NXPE2: variants seen among roughly 807,000 people sequenced by gnomAD.
NXPE2 encodes neurexophilin and PC-esterase domain family member 2.
A neutral mutation model predicts 34.4 loss-of-function variants in NXPE2; 34 were observed. The ratio of observed to expected loss-of-function variants is 0.99; its 90% CI spans 0.75 to 1.31. The LOEUF is 1.31. Ranked by LOEUF, NXPE2 falls within the 40% of genes most tolerant of loss-of-function variation. The pLI, the probability that NXPE2 is intolerant of heterozygous loss-of-function variation, is 0.00. For missense variants in NXPE2, 649 were observed against 672.5 expected (o/e 0.97, Z 0.39); for synonymous variants, 235 against 231.3 (o/e 1.02, Z -0.15).
chr11:114,654,587 C>G, the NXPE2 span, among the ~76,000 whole-genome samples: 1 of 152,062 alleles, frequency 6.6e-6, no homozygotes, highest in Non-Finnish European at 1.5e-5. Context: ...GCCCTCTGTT[C>G]CTGTGTTAGT....
the NXPE2 span, among the ~76,000 whole-genome samples, chr11:114,528,084 C>A: frequency 6.6e-6 from 1 of 152,126 alleles, no homozygotes; most frequent in African/African-American, 2.4e-5. Flanking sequence ...ACTTTCTACC[C>A]TGCTGAGAGC....
the NXPE2 span, among the ~76,000 whole-genome samples, chr11:114,766,656 C>T: frequency 6.6e-6 from 1 of 151,910 alleles, no homozygotes; most frequent in South Asian, 2.1e-4. Context: ...ATTTCTTTAG[C>T]CTTTAAGACT....
chr11:114,671,250 CAG>C, the NXPE2 span, among the ~76,000 whole-genome samples: 1 of 150,754 alleles, frequency 6.6e-6, no homozygotes, highest in Non-Finnish European at 1.5e-5. Context: ...GTCTAGAGAA[CAG>C]AGAGAAAAAT....
At chr11:114,732,663 T>A in the NXPE2 span, among the ~76,000 whole-genome samples, 11 of 152,352 alleles carry the variant, frequency 7.2e-5, no homozygotes, top group East Asian at 1.9e-4. Flanking sequence ...AATTTTTTTT[T>A]AAATTATCTA....
At chr11:114,545,255 C>T in the NXPE2 span, among the ~76,000 whole-genome samples, 1 of 152,156 alleles carries the variant, frequency 6.6e-6, no homozygotes, top group Non-Finnish European at 1.5e-5. Flanking sequence ...CACACAAATA[C>T]CTGCACATGA....
chr11:114,790,440 G>T, the NXPE2 span, among the ~76,000 whole-genome samples: 3 of 152,298 alleles, frequency 2.0e-5, no homozygotes, highest in Admixed American at 1.3e-4. Flanking sequence ...TATAGAAGGA[G>T]AAGTTACACA....
the NXPE2 span, among the ~76,000 whole-genome samples, chr11:114,485,546 G>A: frequency 1.3e-5 from 2 of 151,708 alleles, no homozygotes; most frequent in African/African-American, 4.8e-5. Flanking sequence ...GTTTTTAAAT[G>A]TACAATACAT....
At chr11:114,477,282 G>C in the NXPE2 span, among the ~76,000 whole-genome samples, 1 of 152,104 alleles carries the variant, frequency 6.6e-6, no homozygotes, top group African/African-American at 2.4e-5. Context: ...AAGCTCTGGA[G>C]ACCTATTGTA....
At chr11:114,609,137 T>A in the NXPE2 span, among the ~76,000 whole-genome samples, 19 of 151,558 alleles carry the variant, frequency 1.3e-4, no homozygotes, top group Non-Finnish European at 2.1e-4. Context: ...ATAATAAGTA[T>A]TGCCTCGTGG....
At chr11:114,636,000 C>G in the NXPE2 span, among the ~76,000 whole-genome samples, 1 of 151,960 alleles carries the variant, frequency 6.6e-6, no homozygotes, top group Non-Finnish European at 1.5e-5. Context: ...AGGGAGGATT[C>G]CCTCTTTTTC....
the NXPE2 span, among the ~76,000 whole-genome samples, chr11:114,638,641 T>G: frequency 6.6e-6 from 1 of 152,086 alleles, no homozygotes; most frequent in African/African-American, 2.4e-5. Flanking sequence ...GATAGGTTTT[T>G]GGTGTGGATG....
At chr11:114,663,613 CTATCT>C in the NXPE2 span, among the ~76,000 whole-genome samples, 4 of 98,258 alleles carry the variant, frequency 4.1e-5, no homozygotes, top group African/African-American at 1.1e-4. Flanking sequence ...ATCTATCTAT[CTATCT>C]ATCTATCTAT....
chr11:114,651,156 C>T, the NXPE2 span, among the ~76,000 whole-genome samples: 7 of 152,130 alleles, frequency 4.6e-5, no homozygotes, highest in African/African-American at 1.2e-4. Flanking sequence ...TTCTTGGTCT[C>T]GCTTACTTCA....
chr11:114,798,651 G>T, the NXPE2 span, among the ~76,000 whole-genome samples: 1 of 152,182 alleles, frequency 6.6e-6, no homozygotes, highest in Non-Finnish European at 1.5e-5. Flanking sequence ...CAAAGTGCTG[G>T]GATTACAGGC....
the NXPE2 span, among the ~76,000 whole-genome samples, chr11:114,672,957 C>A: frequency 6.6e-6 from 1 of 151,136 alleles, no homozygotes; most frequent in African/African-American, 2.4e-5. Context: ...CTAGACCACA[C>A]AGATGTCTAT....
the NXPE2 span, among the ~76,000 whole-genome samples, chr11:114,799,665 G>T: frequency 1.3e-5 from 2 of 152,198 alleles, no homozygotes; most frequent in Non-Finnish European, 2.9e-5. Flanking sequence ...GAGGCAGAAG[G>T]GGGAGAGCAG....
chr11:114,594,772 A>T, the NXPE2 span: 1 of 1,322,960 alleles, frequency 7.6e-7, no homozygotes, highest in Admixed American at 2.0e-5. Flanking sequence ...TTAGGATCCT[A>T]CAAGAGACAA....
chr11:114,619,310 C>G, the NXPE2 span, among the ~76,000 whole-genome samples: 1 of 140,472 alleles, frequency 7.1e-6, no homozygotes, highest in African/African-American at 2.7e-5. Flanking sequence ...AACCACTGTT[C>G]CCCGCTGGAT....
the NXPE2 span, among the ~76,000 whole-genome samples, chr11:114,503,336 G>A: frequency 1.3e-5 from 2 of 152,014 alleles, no homozygotes; most frequent in African/African-American, 2.4e-5. Context: ...AAGAGAAACC[G>A]AATAGTCACA....
Sources: gnomAD v4.1 joint callset for allele counts (sites outside exome capture counted in the v4.1 genomes callset) on GRCh38, gnomAD v4.1.1 for gene constraint, MANE v1.5 for transcripts, NCBI Gene and HGNC (gene_info 2026-07-23, HGNC 2026-07-21) for gene names.